The following PTPRD variants were observed in gnomAD, a reference collection of about 807,000 sequenced individuals.
PTPRD encodes the protein protein tyrosine phosphatase receptor type D.
In PTPRD, 34 loss-of-function variants were observed where a neutral mutation model predicts 214.5. That is an observed-to-expected ratio of 0.16 (90% CI 0.12 to 0.21). The LOEUF (loss-of-function observed/expected upper bound fraction) is 0.21, where lower values mean the gene tolerates loss of function less well. Among genes scored for constraint, PTPRD ranks in the 10% least tolerant of loss-of-function variants. The probability of loss-of-function intolerance (pLI) is 1.00; values close to 1 mark genes in which losing one functional copy is unlikely to be tolerated. For synonymous variants in PTPRD, 1,128 were observed against 845.7 expected, an observed-to-expected ratio of 1.33 and a Z score of -5.79; for missense variants, 2,545 against 2,398.7, an observed-to-expected ratio of 1.06 and a Z score of -1.27.
intron 5 of PTPRD, among the ~76,000 whole-genome samples, chr9:9,814,424 T>C (rs1590369): frequency 0.44 from 67,041 of 151,914 alleles, 18,330 homozygotes; most frequent in African/African-American, 0.78. Context: ...TTAGAATAAA[T>C]GATTTCAGTA....
At chr9:8,966,612 T>C (rs1361818841) in intron 11 of PTPRD, among the ~76,000 whole-genome samples, 3 of 152,024 alleles carry the variant, frequency 2.0e-5, no homozygotes. Flanking sequence ...TAACTCAAGA[T>C]GGATTAAAGA....
At chr9:10,125,411 ATTTTG>A (rs2098808828) in intron 3 of PTPRD, among the ~76,000 whole-genome samples, 4 of 137,696 alleles carry the variant, frequency 2.9e-5, no homozygotes, top group Non-Finnish European at 6.3e-5. Flanking sequence ...ATTTTTATTT[ATTTTG>A]TTTTATTTTA....
chr9:9,066,755 G>A (rs324506), intron 10 of PTPRD, among the ~76,000 whole-genome samples: 39,578 of 152,086 alleles, frequency 0.26, 5,595 homozygotes, highest in Middle Eastern at 0.32. Flanking sequence ...CGACCATGGG[G>A]TAGCTATCCA....
intron 3 of PTPRD, among the ~76,000 whole-genome samples, chr9:10,131,711 G>A (rs1421174329): frequency 6.6e-6 from 1 of 152,086 alleles, no homozygotes; most frequent in Non-Finnish European, 1.5e-5. Context: ...AGAAGTGTGT[G>A]TGTGTGGAAT....
chr9:9,048,053 T>C (rs893830068), intron 10 of PTPRD, among the ~76,000 whole-genome samples: 9 of 152,178 alleles, frequency 5.9e-5, no homozygotes, highest in African/African-American at 1.9e-4. Flanking sequence ...GAAAAGGTGC[T>C]TGACATCACT....
chr9:9,078,047 T>C (rs1479155482), intron 10 of PTPRD, among the ~76,000 whole-genome samples: 1 of 152,098 alleles, frequency 6.6e-6, no homozygotes, highest in African/African-American at 2.4e-5. Flanking sequence ...TTCAAGGGCC[T>C]TGACATTTTC....
chr9:9,975,829 T>G (rs2095331262), intron 4 of PTPRD, among the ~76,000 whole-genome samples: 1 of 152,182 alleles, frequency 6.6e-6, no homozygotes, highest in African/African-American at 2.4e-5. Context: ...AAACTTCAGT[T>G]TACTGCATTA....
chr9:9,275,066 TTATA>T (rs71485092), intron 9 of PTPRD, among the ~76,000 whole-genome samples: 5 of 73,040 alleles, frequency 6.8e-5, no homozygotes, highest in African/African-American at 1.8e-4. Flanking sequence ...TATATATATA[TTATA>T]TATATATATA....
chr9:10,139,385 A>G (rs1037547106), intron 3 of PTPRD, among the ~76,000 whole-genome samples: 3 of 152,100 alleles, frequency 2.0e-5, no homozygotes, highest in Non-Finnish European at 4.4e-5. Context: ...GAGATGATAC[A>G]AATAAATGGA....
At chr9:10,117,155 T>C (rs1409658021) in intron 3 of PTPRD, among the ~76,000 whole-genome samples, 1 of 152,074 alleles carries the variant, frequency 6.6e-6, no homozygotes, top group Non-Finnish European at 1.5e-5. Context: ...TTTTAGGTGA[T>C]CGATAAACAT....
chr9:8,337,987 G>T lies in PTPRD; in HGVS notation c.5379+935C>A, dbSNP rs1011649983. Among the ~76,000 whole-genome samples the T allele has an allele frequency of 3.3e-5, 5 of 151,922 alleles. No individual in the cohort carries two copies. In the South Asian group the frequency reaches 1.0e-3, roughly 31 times the overall value. On this transcript the variant is annotated intron_variant, in intron 43 of 45. Transcript: ENST00000381196. ...TAATATAACTTTCTGGGATTAACAG[G>T]TCTGTCACCTAGGCCAACCCTCCTG...
chr9:9,383,307 C>T (rs1307582697), intron 9 of PTPRD, among the ~76,000 whole-genome samples: 1 of 152,014 alleles, frequency 6.6e-6, no homozygotes, highest in Non-Finnish European at 1.5e-5. Flanking sequence ...ACATATTAAA[C>T]ATTTAATAAA....
chr9:9,674,326 G>A (rs1289947489), intron 7 of PTPRD, among the ~76,000 whole-genome samples: 1 of 151,224 alleles, frequency 6.6e-6, no homozygotes. Flanking sequence ...CACCATCAAA[G>A]AATCAAAGTA....
chr9:10,303,826 C>T (rs911649473), intron 3 of PTPRD, among the ~76,000 whole-genome samples: 7 of 152,086 alleles, frequency 4.6e-5, no homozygotes, highest in Non-Finnish European at 8.8e-5. Context: ...CCAAATTCTA[C>T]CAGAGGTTCA....
chr9:9,129,678 C>G (rs2099839595), intron 10 of PTPRD, among the ~76,000 whole-genome samples: 1 of 152,166 alleles, frequency 6.6e-6, no homozygotes. Context: ...AATACCTTGT[C>G]TCTGAATCAA....
chr9:9,882,807 C>A (rs370727761), intron 5 of PTPRD, among the ~76,000 whole-genome samples: 29 of 152,098 alleles, frequency 1.9e-4, no homozygotes, highest in African/African-American at 7.0e-4. Flanking sequence ...AATGTAATTC[C>A]CAATGTTGGA....
At chr9:10,056,661 A>G (rs1028713561) in intron 3 of PTPRD, among the ~76,000 whole-genome samples, 3 of 152,110 alleles carry the variant, frequency 2.0e-5, no homozygotes, top group Non-Finnish European at 4.4e-5. Context: ...TGTTCCCAAG[A>G]GTAACTGTGA....
At chr9:9,930,085 G>A (rs1566436707) in intron 5 of PTPRD, among the ~76,000 whole-genome samples, 1 of 152,206 alleles carries the variant, frequency 6.6e-6, no homozygotes, top group Non-Finnish European at 1.5e-5. Context: ...AGAGCTATAG[G>A]AATACACTAC....
chr9:8,332,728 G>T (rs996854014), intron 43 of PTPRD, among the ~76,000 whole-genome samples: 1 of 152,138 alleles, frequency 6.6e-6, no homozygotes, highest in South Asian at 2.1e-4. Flanking sequence ...TCTGTTTATA[G>T]AAGCAGAAAT....
Sources: allele counts gnomAD v4.1 joint callset (sites outside exome capture counted in the v4.1 genomes callset), GRCh38; gene constraint gnomAD v4.1.1; transcripts MANE v1.5; gene names NCBI Gene and HGNC (gene_info 2026-07-23, HGNC 2026-07-21).